Variants in RNF38 observed in about 807,000 individuals in gnomAD.
RNF38 encodes the protein E3 ubiquitin-protein ligase RNF38.
In RNF38, 15 loss-of-function variants were observed where a neutral mutation model predicts 67.2. That is an observed-to-expected ratio of 0.22 (90% CI 0.15 to 0.34). The LOEUF (loss-of-function observed/expected upper bound fraction) is 0.34, where lower values mean the gene tolerates loss of function less well. Ranked by LOEUF, RNF38 falls within the 10% of genes least tolerant of loss-of-function variation. RNF38 has a pLI of 1.00. For missense variants in RNF38, 524 were observed against 639.9 expected (o/e 0.82, Z 1.95); for synonymous variants, 220 against 218.8 (o/e 1.01, Z -0.05).
intron 1 of RNF38, among the ~76,000 whole-genome samples, chr9:36,399,525 T>C (rs1233876309): frequency 1.4e-5 from 2 of 148,132 alleles, no homozygotes; most frequent in African/African-American, 4.9e-5. Flanking sequence ...TATAAATAAA[T>C]ATATTATAAA....
intron 1 of RNF38, among the ~76,000 whole-genome samples, chr9:36,391,484 C>T (rs1425596266): frequency 6.6e-6 from 1 of 152,008 alleles, no homozygotes; most frequent in South Asian, 2.1e-4. Flanking sequence ...TGTACCTACA[C>T]TAAAAGTTAC....
At chr9:36,465,879 T>C (rs1839849049) in intron 1 of RNF38, among the ~76,000 whole-genome samples, 1 of 151,740 alleles carries the variant, frequency 6.6e-6, no homozygotes, top group Admixed American at 6.6e-5. Flanking sequence ...TGAAACCCCG[T>C]CTCTACTAAA....
intron 11 of RNF38, among the ~76,000 whole-genome samples, chr9:36,340,391 T>TC (rs913898225): frequency 1.3e-5 from 2 of 152,182 alleles, no homozygotes; most frequent in African/African-American, 2.4e-5. Flanking sequence ...AGTCTTTTTT[T>TC]CCCCCGTTTT....
intron 1 of RNF38, among the ~76,000 whole-genome samples, chr9:36,479,481 G>C (rs1249803944): frequency 6.6e-6 from 1 of 152,180 alleles, no homozygotes; most frequent in Non-Finnish European, 1.5e-5. Context: ...AGAGAAGCAG[G>C]GCTTATCTTG....
intron 1 of RNF38, among the ~76,000 whole-genome samples, chr9:36,463,797 G>C (rs1645867287): frequency 6.6e-6 from 1 of 152,162 alleles, no homozygotes; most frequent in Non-Finnish European, 1.5e-5. Context: ...TCACCAAGAA[G>C]AGACTAAGCT....
rs1416156886 is a variant in RNF38, at chr9:36,352,801, G to A, written c.1119C>T (p.Tyr373=). 1 of 1,614,032 alleles carries A rather than the reference G, an allele frequency of 6.2e-7. No homozygotes were observed. The highest frequency in any genetic ancestry group is 8.5e-7 in the Non-Finnish European group (1 of 1,179,950). ...MPRRLTGRSR[Y]RSQQPIPPPP... is the part of the protein sequence containing the mutation. The stretch of plus-strand genomic sequence containing the variant: ...GAGGTGGTATTGGCTGCTGGGATCG[G>A]TATCTACTACGTCCTGTAAGCCTCC... Residue 373 remains tyrosine (Y), a synonymous_variant, in exon 8 of 12, where the codon TAC becomes TAT. Coordinates refer to ENST00000259605, the MANE Select transcript of RNF38 (RefSeq NM_022781.5).
intron 2 of RNF38, among the ~76,000 whole-genome samples, chr9:36,422,246 C>T (rs1838647774): frequency 6.6e-6 from 1 of 151,404 alleles, no homozygotes; most frequent in Non-Finnish European, 1.5e-5. Context: ...AATAAACAAA[C>T]AAACAAACAA....
At chr9:36,375,367 T>C (rs546494698) in intron 3 of RNF38, among the ~76,000 whole-genome samples, 1 of 152,288 alleles carries the variant, frequency 6.6e-6, no homozygotes, top group South Asian at 2.1e-4. Flanking sequence ...ATTTTTTGTT[T>C]TTTTGAGAGA....
chr9:36,459,166 C>A (rs1303959589), intron 1 of RNF38, among the ~76,000 whole-genome samples: 2 of 151,456 alleles, frequency 1.3e-5, no homozygotes, highest in East Asian at 3.9e-4. Context: ...CGAGATCACA[C>A]CACTGCACTC....
chr9:36,469,848 C>T (rs186030630), intron 1 of RNF38, among the ~76,000 whole-genome samples: 2 of 151,994 alleles, frequency 1.3e-5, no homozygotes, highest in East Asian at 3.9e-4. Flanking sequence ...AGTAGTGGCA[C>T]CCACCTGTAG....
At chr9:36,463,614 C>T (rs963378509) in intron 1 of RNF38, among the ~76,000 whole-genome samples, 2 of 152,002 alleles carry the variant, frequency 1.3e-5, no homozygotes, top group Non-Finnish European at 1.5e-5. Context: ...AATGCAAAGA[C>T]GTGGTCACGA....
chr9:36,474,361 TA>T (rs1002482922), intron 1 of RNF38, among the ~76,000 whole-genome samples: 6 of 148,580 alleles, frequency 4.0e-5, no homozygotes, highest in African/African-American at 1.5e-4. Context: ...AAAACAAAGT[TA>T]TTTCTCAGGA....
chr9:36,479,798 T>C (rs555241364), intron 1 of RNF38, among the ~76,000 whole-genome samples: 6 of 152,130 alleles, frequency 3.9e-5, no homozygotes, highest in Non-Finnish European at 5.9e-5. Context: ...AAATACTTTT[T>C]ATTAATTATG....
In RNF38 at chr9:36,344,971, G is replaced by A. The variant is rs10120475; in HGVS notation, c.1264-18C>T. ...AACAGGGCCTGCAGCGGTAAAAGAC[G>A]ACATATTTTCATCTATCTTTACATT... On this transcript the variant is annotated intron_variant, in intron 9 of 11. Transcript: ENST00000259605. The A allele has an allele frequency of 1.2e-3, 1,989 of 1,594,592 alleles. 17 individuals are homozygous for A. In the African/African-American group the frequency reaches 0.023, roughly 18 times the overall value.
upstream of RNF38, chr9:36,400,347 G>C: frequency 8.1e-7 from 1 of 1,230,530 alleles, no homozygotes; most frequent in Admixed American, 4.0e-5. Context: ...CAAAAAGGGA[G>C]GGAGCGAGAG....
chr9:36,426,750 T>C (rs2134248651), intron 1 of RNF38, among the ~76,000 whole-genome samples: 1 of 152,340 alleles, frequency 6.6e-6, no homozygotes, highest in Non-Finnish European at 1.5e-5. Flanking sequence ...TGGCATTTTT[T>C]GAGTAGAATG....
chr9:36,357,862 G>GTGC lies in RNF38; in HGVS notation c.648_650dup (p.Gln216dup). The GTGC allele has an allele frequency of 6.2e-7, 1 of 1,613,910 alleles. No homozygotes were observed. Among genetic ancestry groups the GTGC allele is most frequent in the Non-Finnish European group, 8.5e-7 (1 of 1,179,826 alleles). On this transcript the variant is annotated inframe_insertion, in exon 5 of 12. Coordinates refer to ENST00000259605, the MANE Select transcript of RNF38 (RefSeq NM_022781.5). The stretch of plus-strand genomic sequence containing the variant: ...CCTGCTGTGTACTACAAGCAGGGAT[G>GTGC]TGCTGGCCTGTGCAGAGTGGAATCC...
chr9:36,365,662 GTTTT>G (rs759974775), intron 4 of RNF38, among the ~76,000 whole-genome samples: 4 of 103,598 alleles, frequency 3.9e-5, no homozygotes, highest in Non-Finnish European at 5.2e-5. Context: ...AAGACTGATA[GTTTT>G]TTTTTTTTTT....
intron 1 of RNF38, among the ~76,000 whole-genome samples, chr9:36,455,654 G>C (rs1372113275): frequency 1.3e-5 from 2 of 151,902 alleles, no homozygotes; most frequent in East Asian, 2.0e-4. Context: ...TATAATCTCA[G>C]CTAGTTGGGA....
Sources: allele counts gnomAD v4.1 joint callset (sites outside exome capture counted in the v4.1 genomes callset), GRCh38; gene constraint gnomAD v4.1.1; transcripts MANE v1.5; gene names NCBI Gene and HGNC (gene_info 2026-07-23, HGNC 2026-07-21).